ERBB2: variants seen among roughly 807,000 people sequenced by gnomAD.
The protein encoded by ERBB2 is receptor tyrosine-protein kinase erbB-2.
ERBB2 carries 61 observed loss-of-function variants against 149.0 expected under a neutral mutation model. The observed-to-expected ratio is 0.41, with a 90% confidence interval of 0.33 to 0.51. The LOEUF is 0.51. ERBB2 is among the 20% of genes least tolerant of loss of function. The pLI is 0.25. For missense variants in ERBB2, 1,205 were observed against 1,655.1 expected (o/e 0.73, Z 4.72); for synonymous variants, 633 against 678.8 (o/e 0.93, Z 1.05).
chr17:39,719,880 C>T (rs2145751743), intron 16 of ERBB2, 46 bp downstream of exon 16: 3 of 1,584,596 alleles, frequency 1.9e-6, no homozygotes, highest in Non-Finnish European at 2.6e-6. Flanking sequence ...CTTCACTCCC[C>T]CACTGGATGC....
chr17:39,690,184 C>A (rs1227745094), upstream of ERBB2, among the ~76,000 whole-genome samples: 1 of 152,156 alleles, frequency 6.6e-6, no homozygotes, highest in Non-Finnish European at 1.5e-5. Context: ...CTCCCAGACT[C>A]AAGTGATCCT....
rs1443431488 is a variant in ERBB2, at chr17:39,725,126, C to T, written c.2571C>T (p.Asn857=). The T allele has an allele frequency of 6.2e-7, 1 of 1,614,036 alleles. No individual in the cohort carries two copies. The highest frequency in any genetic ancestry group is 8.5e-7 in the Non-Finnish European group (1 of 1,180,042). ...GGAACGTGCTGGTCAAGAGTCCCAA[C>T]CATGTCAAAATTACAGACTTCGGGC... ...AARNVLVKSP[N]HVKITDFGLA... Residue 857 remains asparagine (N), a synonymous_variant, in exon 21 of 27, where the codon AAC becomes AAT. Transcript: ENST00000269571. The surrounding 1 kb of genome is among the most constrained non-coding windows in gnomAD (Gnocchi z 4.6).
At chr17:39,724,188 G>A (rs1391926504) in intron 19 of ERBB2, among the ~76,000 whole-genome samples, 178 bp downstream of exon 19, 1 of 150,942 alleles carries the variant, frequency 6.6e-6, no homozygotes. Flanking sequence ...GCGTTATCTC[G>A]GCTCACTGCA....
upstream of ERBB2, chr17:39,700,042 A>G: frequency 4.7e-6 from 6 of 1,265,490 alleles, no homozygotes; most frequent in Non-Finnish European, 5.9e-6. Context: ...AAGTATAAGA[A>G]TGAAGTTGTG....
chr17:39,709,078 G>A (rs1405251141), intron 3 of ERBB2, among the ~76,000 whole-genome samples: 1 of 152,116 alleles, frequency 6.6e-6, no homozygotes, highest in Non-Finnish European at 1.5e-5. Flanking sequence ...GAGAGCTGCG[G>A]TCCACATGAG....
intron 16 of ERBB2, among the ~76,000 whole-genome samples, chr17:39,720,966 T>C (rs2059417343): frequency 2.0e-5 from 3 of 152,122 alleles, no homozygotes; most frequent in Admixed American, 2.0e-4. Context: ...TATCTTTTTA[T>C]TGAGTGATTG....
In ERBB2 at chr17:39,713,517, G is replaced by A. The variant is rs184451736; in HGVS notation, c.1148+1069G>A. ...TGTAATCCCAGCACTTTGGGAGGCC[G>A]AGGCAGGCAGATCACTTGAGGTCAG... On this transcript the variant is annotated intron_variant, in intron 9 of 26. Coordinates refer to ENST00000269571, the MANE Select transcript of ERBB2 (RefSeq NM_004448.4). Among the ~76,000 whole-genome samples, 264 of 151,636 alleles carry A rather than the reference G, an allele frequency of 1.7e-3. 1 individual carries two copies. The highest frequency in any genetic ancestry group is 5.8e-3 in the African/African-American group (242 of 41,458).
chr17:39,716,229 C>A (rs2059116443), intron 12 of ERBB2, 72 bp from the exon 13 acceptor site: 2 of 1,483,004 alleles, frequency 1.3e-6, no homozygotes, highest in Non-Finnish European at 9.0e-7. Flanking sequence ...ATGCCCACAG[C>A]CAGTTCCCTG....
In ERBB2 at chr17:39,700,080, G is replaced by A. The variant is rs569077403; in HGVS notation, c.-159G>A. ...GCTGAGATTCCCCTCCATTGGGACCGGAGAAACCAGGGGAGCCCCCCGGGC... is the reference window on the plus strand; with the variant it reads ...GCTGAGATTCCCCTCCATTGGGACCAGAGAAACCAGGGGAGCCCCCCGGGC... On this transcript the variant is annotated 5_prime_UTR_variant, in exon 1 of 27. Coordinates refer to ENST00000269571, the MANE Select transcript of ERBB2 (RefSeq NM_004448.4). 3.1e-6 allele frequency: 4 copies of A among 1,273,706 alleles called. No individual in the cohort carries two copies. Among genetic ancestry groups the A allele is most frequent in the African/African-American group, 1.5e-5 (1 of 64,526 alleles). 78.9% of individuals were successfully genotyped at this position (1,273,706 alleles called of 1,614,324 possible). A position where few individuals can be genotyped will look rare whatever the true frequency, so the allele number is the denominator to read the frequency against.
At chr17:39,719,939 C>T (rs1221275828) in intron 16 of ERBB2, 105 bp downstream of exon 16, 22 of 1,042,054 alleles carry the variant, frequency 2.1e-5, no homozygotes. Context: ...ATGTCCCTTC[C>T]CACCCACTCT....
At chr17:39,691,922 C>CATATATATAT (rs1171342693), upstream of ERBB2, among the ~76,000 whole-genome samples, 43 of 98,358 alleles carry the variant, frequency 4.4e-4, no homozygotes, top group African/African-American at 1.7e-3. Flanking sequence ...TATACATATA[C>CATATATATAT]ATATACATAT....
At chr17:39,700,027 T>G, upstream of ERBB2, 4 of 1,265,270 alleles carry the variant, frequency 3.2e-6, no homozygotes, top group South Asian at 3.1e-5. Context: ...GAGGGCTGCT[T>G]GAGGAAGTAT....
chr17:39,717,381 G>T lies in ERBB2; in HGVS notation c.1799G>T (p.Cys600Phe). The change falls in exon 15 of 27, where the codon TGC (cysteine) becomes TTC (phenylalanine). Residue 600 changes from cysteine (C) to phenylalanine (F), a missense_variant. Around this residue, in one of 6 missense-constraint regions of ERBB2, gnomAD observed 569 missense variants for 803.5 expected, o/e 0.71. Coordinates refer to ENST00000269571, the MANE Select transcript of ERBB2 (RefSeq NM_004448.4). ...GACCCTCCCTTCTGCGTGGCCCGCT[G>T]CCCCAGCGGTGTGAAACCTGACCTC... ...YKDPPFCVAR[C>F]PSGVKPDLSY... 6.2e-7 allele frequency: 1 copy of T among 1,612,894 alleles called. No individual in the cohort carries two copies. Among genetic ancestry groups the T allele is most frequent in the Non-Finnish European group, 8.5e-7 (1 of 1,179,974 alleles).
Position 39,710,413 on chromosome 17 carries a change from C to T in ERBB2, c.833C>T (p.Thr278Met), listed in dbSNP as rs757811990. Reference protein sequence around the residue: ...CPALVTYNTDTFESMPNPEGR... With the variant: ...CPALVTYNTDMFESMPNPEGR... ...GCCCTGGTCACCTACAACACAGACA[C>T]GTTTGAGTCCATGCCCAATCCCGAG... The change falls in exon 7 of 27, where the codon ACG (threonine) becomes ATG (methionine). Residue 278 changes from threonine (T) to methionine (M), a missense_variant. By Grantham distance (81) the Thr-to-Met change is moderately conservative. Transcript: ENST00000269571. The T allele has an allele frequency of 7.4e-6, 12 of 1,614,142 alleles. No homozygotes were observed. Among genetic ancestry groups the T allele is most frequent in the Admixed American group, 1.7e-5 (1 of 60,024 alleles).
At chr17:39,719,027 G>A (rs991221714) in intron 15 of ERBB2, among the ~76,000 whole-genome samples, 9 of 152,128 alleles carry the variant, frequency 5.9e-5, no homozygotes, top group South Asian at 4.1e-4. Flanking sequence ...TTGGGAGGCC[G>A]AGGCAGGCAG....
chr17:39,725,000 C>G lies in ERBB2; in HGVS notation c.2494-49C>G, dbSNP rs747118233. 5.0e-6 allele frequency: 8 copies of G among 1,609,588 alleles called. No individual in the cohort carries two copies. The East Asian group carries it at 1.6e-4, about 31-fold the overall frequency. ...ATGGGGACTCTTGCTGGGCATGTGG[C>G]CAGGCCCAGGCCCTCCCAGAAGGTC... On this transcript the variant is annotated intron_variant, in intron 20 of 26. Transcript: ENST00000269571.
upstream of ERBB2, among the ~76,000 whole-genome samples, chr17:39,694,019 C>T (rs756666806): frequency 9.5e-5 from 14 of 147,180 alleles, no homozygotes; most frequent in Non-Finnish European, 1.6e-4. Flanking sequence ...AACGCTGCCT[C>T]TATCAAAAAT....
rs534429617 is a variant in ERBB2 at position 39,710,273 on chromosome 17, C to G, written c.760-67C>G. 6 of 1,610,784 alleles carry G rather than the reference C, an allele frequency of 3.7e-6. No individual in the cohort carries two copies. The African/African-American group carries it at 5.3e-5, about 14-fold the overall frequency. On this transcript the variant is annotated intron_variant, in intron 6 of 26. Transcript: ENST00000269571. Reference sequence around the variant, plus strand: ...CAAGGGGTGGGCACCCTGCCTGGTACTGCCCTATTGCCCCTGGCACACCAG... The same window carrying G: ...CAAGGGGTGGGCACCCTGCCTGGTAGTGCCCTATTGCCCCTGGCACACCAG...
intron 15 of ERBB2, 67 bp from the exon 16 acceptor site, chr17:39,719,720 G>A: frequency 6.5e-7 from 1 of 1,535,340 alleles, no homozygotes; most frequent in Non-Finnish European, 9.0e-7. Flanking sequence ...GGGTTGTTGT[G>A]AGGCTGGAAA....
Sources: allele counts gnomAD v4.1 joint callset (sites outside exome capture counted in the v4.1 genomes callset), GRCh38; gene constraint gnomAD v4.1.1; regional missense constraint gnomAD v4.1.1; non-coding constraint Gnocchi (gnomAD v3.1); transcripts MANE v1.5; gene names NCBI Gene and HGNC (gene_info 2026-07-23, HGNC 2026-07-21).